The following EVL variants were observed in gnomAD, a reference collection of about 807,000 sequenced individuals.
The protein encoded by EVL is Enah/Vasp-like.
EVL carries 21 observed loss-of-function variants against 59.6 expected under a neutral mutation model. The ratio of observed to expected loss-of-function variants is 0.35; its 90% CI spans 0.25 to 0.51. The LOEUF is 0.51. EVL is among the 20% of genes least tolerant of loss of function. The pLI, the probability that EVL is intolerant of heterozygous loss-of-function variation, is 0.97. For missense variants in EVL, 462 were observed against 546.6 expected (o/e 0.85, Z 1.54); for synonymous variants, 198 against 203.5 (o/e 0.97, Z 0.23).
intron 1 of EVL, among the ~76,000 whole-genome samples, chr14:100,016,373 A>T (rs1236130088): frequency 6.6e-6 from 1 of 152,192 alleles, no homozygotes; most frequent in Admixed American, 6.5e-5. Flanking sequence ...TACTAAAAAT[A>T]CAAAAATTAG....
intron 1 of EVL, among the ~76,000 whole-genome samples, chr14:100,073,701 C>A (rs1481600979): frequency 6.6e-6 from 1 of 152,128 alleles, no homozygotes; most frequent in South Asian, 2.1e-4. Flanking sequence ...CATGCCACCC[C>A]CACCACAAAA....
intron 1 of EVL, among the ~76,000 whole-genome samples, chr14:100,018,855 A>C (rs1171995003): frequency 1.3e-5 from 2 of 152,206 alleles, no homozygotes; most frequent in African/African-American, 4.8e-5. Context: ...CAGCCTGATA[A>C]ACATTTTTCT....
At chr14:100,020,244 C>T (rs767249605) in intron 1 of EVL, among the ~76,000 whole-genome samples, 1 of 152,100 alleles carries the variant, frequency 6.6e-6, no homozygotes, top group Non-Finnish European at 1.5e-5. Flanking sequence ...TCTTTGCTTT[C>T]GTATGCTTTT....
intron 1 of EVL, among the ~76,000 whole-genome samples, chr14:100,075,391 G>A (rs1206890915): frequency 1.3e-5 from 2 of 152,250 alleles, no homozygotes; most frequent in African/African-American, 4.8e-5. Flanking sequence ...TCTCAGCCCA[G>A]CTTTTAAGAT....
intron 1 of EVL, among the ~76,000 whole-genome samples, chr14:100,052,633 G>A (rs1177115577): frequency 6.6e-6 from 1 of 151,952 alleles, no homozygotes; most frequent in Admixed American, 6.6e-5. Context: ...TGCACCTGTA[G>A]CCCCAGCTAC....
intron 2 of EVL, among the ~76,000 whole-genome samples, chr14:100,086,536 A>G (rs915621753): frequency 6.6e-6 from 1 of 152,218 alleles, no homozygotes; most frequent in Non-Finnish European, 1.5e-5. Flanking sequence ...AGGGCGTAGT[A>G]GGAAGACGGC....
upstream of EVL, chr14:100,065,328 T>TGG: frequency 1.8e-6 from 1 of 543,308 alleles, no homozygotes; most frequent in Non-Finnish European, 2.7e-6. Flanking sequence ...GTTTTTCACT[T>TGG]GGGTTTGTTT....
chr14:100,024,956 T>G (rs1312704309), intron 1 of EVL, among the ~76,000 whole-genome samples: 1 of 152,064 alleles, frequency 6.6e-6, no homozygotes, highest in Non-Finnish European at 1.5e-5. Context: ...CATCAAGCAG[T>G]CCTACCAGCT....
chr14:99,978,832 T>C (rs2060787451), intron 1 of EVL, among the ~76,000 whole-genome samples: 1 of 152,226 alleles, frequency 6.6e-6, no homozygotes, highest in Non-Finnish European at 1.5e-5. Flanking sequence ...GAATGTAATA[T>C]CCAAACTGTG....
intron 1 of EVL, among the ~76,000 whole-genome samples, chr14:99,995,647 G>C (rs1449611662): frequency 6.6e-6 from 1 of 151,996 alleles, no homozygotes; most frequent in East Asian, 1.9e-4. Flanking sequence ...ATGTTTCCCT[G>C]TTTCTTTGTA....
At chr14:99,975,790 G>A (rs543962623) in intron 1 of EVL, among the ~76,000 whole-genome samples, 15 of 152,286 alleles carry the variant, frequency 9.8e-5, no homozygotes, top group South Asian at 2.1e-4. Flanking sequence ...GCCATGGACC[G>A]ATACTAGTTC....
At chr14:100,119,597 A>G (rs1446950555) in intron 3 of EVL, among the ~76,000 whole-genome samples, 1 of 152,274 alleles carries the variant, frequency 6.6e-6, no homozygotes, top group African/African-American at 2.4e-5. Flanking sequence ...GCACATAGGC[A>G]GGTTCCCGTC....
intron 1 of EVL, among the ~76,000 whole-genome samples, chr14:100,009,553 C>T (rs765028887): frequency 6.6e-6 from 1 of 152,212 alleles, no homozygotes; most frequent in African/African-American, 2.4e-5. Context: ...TTTATTCAAT[C>T]ATTCCAGTTC....
In EVL at chr14:100,059,623, C is replaced by T. The variant is rs184337440; in HGVS notation, c.6-25064C>T. The stretch of plus-strand genomic sequence containing the variant: ...TCAGTTCTGGGAGATGTTGCAGATC[C>T]GGCTTAACCTGAATGAAGAAACCGC... On this transcript the variant is annotated intron_variant, in intron 1 of 13. Coordinates refer to the EVL transcript ENST00000402714. Among the ~76,000 whole-genome samples, 8 of 152,166 alleles carry T rather than the reference C, an allele frequency of 5.3e-5. No homozygotes were observed. The East Asian group carries it at 1.2e-3, about 22-fold the overall frequency.
intron 9 of EVL, chr14:100,137,344 C>A: frequency 1.7e-6 from 1 of 575,346 alleles, no homozygotes; most frequent in South Asian, 2.1e-5. Context: ...TCCAGAGAGA[C>A]CTGGCACAGT....
rs903706031 is a variant in EVL, at chr14:100,015,005, A to T, written c.5+42948A>T. Among the ~76,000 whole-genome samples the T allele has an allele frequency of 7.1e-4, 108 of 152,210 alleles. 13 individuals carry two copies. On this transcript the variant is annotated intron_variant, in intron 1 of 13. Coordinates refer to the EVL transcript ENST00000402714. ...CACAGAAGTGAATGTGCATATTAGT[A>T]AATGTTGAAATAGAGTTCTTTTTTT...
At chr14:100,057,265 A>G (rs537527974) in intron 1 of EVL, among the ~76,000 whole-genome samples, 4 of 152,298 alleles carry the variant, frequency 2.6e-5, no homozygotes, top group South Asian at 2.1e-4. Context: ...TGAAAGATGT[A>G]TATGGAGAAA....
chr14:99,981,401 G>A (rs1047996747), intron 1 of EVL, among the ~76,000 whole-genome samples: 3 of 151,992 alleles, frequency 2.0e-5, no homozygotes, highest in Non-Finnish European at 4.4e-5. Context: ...ATTGCACTCC[G>A]GCCTGGGCAA....
intron 1 of EVL, among the ~76,000 whole-genome samples, chr14:100,045,829 G>C (rs1425452773): frequency 6.6e-6 from 1 of 152,214 alleles, no homozygotes; most frequent in Non-Finnish European, 1.5e-5. Context: ...ATTATGGAAT[G>C]AATCAATGAA....
Sources: allele counts gnomAD v4.1 joint callset (sites outside exome capture counted in the v4.1 genomes callset), GRCh38; gene constraint gnomAD v4.1.1; transcripts MANE v1.5; gene names NCBI Gene and HGNC (gene_info 2026-07-23, HGNC 2026-07-21).